Variants in KIN observed in about 807,000 individuals in gnomAD.
The protein encoded by KIN is DNA/RNA-binding protein KIN17.
KIN carries 47 observed loss-of-function variants against 63.0 expected under a neutral mutation model. The ratio of observed to expected loss-of-function variants is 0.75; its 90% CI spans 0.59 to 0.95. The LOEUF (loss-of-function observed/expected upper bound fraction) is 0.95, where lower values mean the gene tolerates loss of function less well. KIN is among the 40% of genes least tolerant of loss of function. KIN has a pLI of 0.00. For missense variants in KIN, 408 were observed against 460.9 expected (o/e 0.89, Z 1.05); for synonymous variants, 160 against 157.7 (o/e 1.01, Z -0.11).
At chr10:7,787,703 C>A (rs997639400) in intron 1 of KIN, 117 bp downstream of exon 1, 3 of 774,460 alleles carry the variant, frequency 3.9e-6, no homozygotes, top group Non-Finnish European at 4.5e-6. Context: ...ACCTCAGAAG[C>A]CTCACGACCC....
In KIN at chr10:7,766,077, G is replaced by A. The variant is rs1288436902; in HGVS notation, c.825C>T (p.Ala275=). ...CAGGCTGTAGCCAGTAGTCTGTTCG[G>A]GCAGTTCTTTTCTTTTCCTCTTCAA... ...MEIEEEKKRT[A]RTDYWLQPEI... The change falls in exon 9 of 13, where the codon GCC becomes GCT. Residue 275 remains alanine (A), a synonymous_variant. Coordinates refer to ENST00000379562, the MANE Select transcript of KIN (RefSeq NM_012311.4). 1.2e-6 allele frequency: 2 copies of A among 1,611,016 alleles called. No homozygotes were observed. Among genetic ancestry groups the A allele is most frequent in the East Asian group, 2.2e-5 (1 of 44,712 alleles).
chr10:7,772,829 A>G (rs1471613781), intron 7 of KIN, among the ~76,000 whole-genome samples: 2 of 152,254 alleles, frequency 1.3e-5, no homozygotes, highest in African/African-American at 2.4e-5. Context: ...ATAGGGGTAC[A>G]GCAGGCTGTA....
chr10:7,780,389 A>G, intron 2 of KIN, 82 bp from the exon 3 acceptor site: 4 of 1,241,514 alleles, frequency 3.2e-6, no homozygotes, highest in Non-Finnish European at 4.5e-6. Flanking sequence ...GCAGTAGTAC[A>G]GTTTTTTGTT....
chr10:7,765,109 A>G (rs1417128780), intron 9 of KIN, among the ~76,000 whole-genome samples: 1 of 148,020 alleles, frequency 6.8e-6, no homozygotes, highest in Non-Finnish European at 1.5e-5. Flanking sequence ...CGGTGAGCTG[A>G]GATCGTGCCA....
intron 2 of KIN, among the ~76,000 whole-genome samples, chr10:7,780,834 A>G (rs1835881589): frequency 6.6e-6 from 1 of 152,214 alleles, no homozygotes; most frequent in Non-Finnish European, 1.5e-5. Flanking sequence ...GTCAGTTGGG[A>G]GTTGAAATTT....
At chr10:7,774,923 A>G (rs942015240) in intron 6 of KIN, 32 bp from the exon 7 acceptor site, 1 of 1,488,260 alleles carries the variant, frequency 6.7e-7, no homozygotes, top group Non-Finnish European at 9.3e-7. Context: ...CCATACATAC[A>G]TTTCAAGAAA....
At chr10:7,775,180 C>T (rs1322831498) in intron 6 of KIN, among the ~76,000 whole-genome samples, 3 of 152,190 alleles carry the variant, frequency 2.0e-5, no homozygotes, top group Admixed American at 1.3e-4. Context: ...TTTAGGTCTC[C>T]ACGCCTCTTG....
chr10:7,766,150 G>A, intron 8 of KIN, 47 bp from the exon 9 acceptor site: 1 of 1,349,756 alleles, frequency 7.4e-7, no homozygotes, highest in Non-Finnish European at 1.0e-6. Context: ...AATCCTCATT[G>A]GATTTCAAAA....
intron 2 of KIN, 87 bp from the exon 3 acceptor site, chr10:7,780,394 T>C: frequency 8.6e-7 from 1 of 1,160,358 alleles, no homozygotes; most frequent in East Asian, 2.4e-5. Flanking sequence ...AGTACAGTTT[T>C]TTGTTTTTGT....
intron 8 of KIN, among the ~76,000 whole-genome samples, chr10:7,767,171 T>C (rs1000103661): frequency 6.6e-6 from 1 of 152,208 alleles, no homozygotes; most frequent in Non-Finnish European, 1.5e-5. Context: ...TGTCACAGCA[T>C]GTAAGACCTC....
At chr10:7,762,392 T>C in intron 11 of KIN, 65 bp downstream of exon 11, 2 of 857,050 alleles carry the variant, frequency 2.3e-6, no homozygotes, top group Non-Finnish European at 3.8e-6. Context: ...CAAAATACAG[T>C]GGTTTGAAAA....
chr10:7,783,134 T>C lies in KIN; in HGVS notation c.156A>G (p.Arg52=). 6.2e-7 allele frequency: 1 copy of C among 1,601,686 alleles called. No homozygotes were observed. The highest frequency in any genetic ancestry group is 8.5e-7 in the Non-Finnish European group (1 of 1,174,242). The part of the protein sequence containing the change: ...KCHCMSESHQ[R]QLLLASENPQ... Reference sequence around the variant, plus strand: ...GATTTTCTGAAGCCAGCAATAGTTGTCTCTGATGAGATTCGGACATACAAT... The same window carrying C: ...GATTTTCTGAAGCCAGCAATAGTTGCCTCTGATGAGATTCGGACATACAAT... The change falls in exon 2 of 13, where the codon AGA becomes AGG. Residue 52 remains arginine (R), a synonymous_variant. Coordinates refer to ENST00000379562, the MANE Select transcript of KIN (RefSeq NM_012311.4).
intron 7 of KIN, among the ~76,000 whole-genome samples, chr10:7,773,081 G>A (rs577712628): frequency 1.3e-5 from 2 of 152,290 alleles, no homozygotes; most frequent in Admixed American, 6.5e-5. Flanking sequence ...GAAGATGCTC[G>A]TCTTAAATAC....
intron 11 of KIN, among the ~76,000 whole-genome samples, chr10:7,760,563 G>A (rs1183078846): frequency 6.6e-6 from 1 of 152,150 alleles, no homozygotes; most frequent in African/African-American, 2.4e-5. Flanking sequence ...CTTATCCCAG[G>A]TTTTGGTTAC....
rs910353483 is a variant in KIN, at chr10:7,780,271, T to C, written c.246A>G (p.Arg82=). 1.9e-6 allele frequency: 3 copies of C among 1,609,072 alleles called. No individual in the cohort carries two copies. Among genetic ancestry groups the C allele is most frequent in the Admixed American group, 3.4e-5 (2 of 58,546 alleles). ...AATATTTAAAATGTTTACCAAAGCGTCTCCTGAGAAGTTCTAGAAAGTCAT... is the reference window on the plus strand; with the variant it reads ...AATATTTAAAATGTTTACCAAAGCGCCTCCTGAGAAGTTCTAGAAAGTCAT... ...FRNDFLELLR[R]RFGTKRVHNN... The change falls in exon 3 of 13, where the codon AGA becomes AGG. Residue 82 remains arginine, a synonymous_variant. Transcript: ENST00000379562.
Position 7,775,743 on chromosome 10 carries a change from A to G in KIN, c.607+8T>C, listed in dbSNP as rs780830707. The G allele has an allele frequency of 2.0e-6, 3 of 1,473,770 alleles. No homozygotes were observed. In the South Asian group the frequency reaches 3.7e-5, roughly 18 times the overall value. The allele number at this position is 1,473,770 out of a possible 1,614,324, so 91.3% of individuals were successfully genotyped here. ...TTTAAAAAAAGAAAAAATAAAAAAT[A>G]AAACTACCTTTCTCTTCATCATTTT... On this transcript the variant is annotated splice_region_variant and intron_variant, in intron 6 of 12. Transcript: ENST00000379562.
intron 12 of KIN, among the ~76,000 whole-genome samples, chr10:7,757,006 A>G (rs1231572418): frequency 6.6e-6 from 1 of 152,160 alleles, no homozygotes; most frequent in Non-Finnish European, 1.5e-5. Context: ...CACTTTCAAC[A>G]ATTGATTTAA....
At chr10:7,786,236 G>T (rs1213089712) in intron 1 of KIN, among the ~76,000 whole-genome samples, 1 of 152,198 alleles carries the variant, frequency 6.6e-6, no homozygotes, top group African/African-American at 2.4e-5. Context: ...AACTGAGGAA[G>T]TGTGAATGTG....
chr10:7,765,658 A>G (rs1212977141), intron 9 of KIN, among the ~76,000 whole-genome samples: 1 of 152,238 alleles, frequency 6.6e-6, no homozygotes, highest in African/African-American at 2.4e-5. Flanking sequence ...CAATGTACCT[A>G]TTAATAAATG....
Sources: gnomAD v4.1 joint callset for allele counts (sites outside exome capture counted in the v4.1 genomes callset) on GRCh38, gnomAD v4.1.1 for gene constraint, MANE v1.5 for transcripts, NCBI Gene and HGNC (gene_info 2026-07-23, HGNC 2026-07-21) for gene names.